Variants in ADAMTSL1 observed in about 807,000 individuals in gnomAD.
ADAMTSL1 encodes the protein ADAMTS-like protein 1.
ADAMTSL1 carries 126 observed loss-of-function variants against 201.8 expected under a neutral mutation model. The ratio of observed to expected loss-of-function variants is 0.62; its 90% confidence interval spans 0.54 to 0.72. The LOEUF (loss-of-function observed/expected upper bound fraction) is 0.72, where lower values mean the gene tolerates loss of function less well. Ranked by LOEUF, ADAMTSL1 falls within the 30% of genes least tolerant of loss-of-function variation. ADAMTSL1 has a pLI of 0.00. For synonymous variants in ADAMTSL1, 1,121 were observed against 903.4 expected, an observed-to-expected ratio of 1.24 and a Z score of -4.32; for missense variants, 2,679 against 2,277.8, an observed-to-expected ratio of 1.18 and a Z score of -3.59.
intron 13 of ADAMTSL1, among the ~76,000 whole-genome samples, chr9:18,703,056 G>C (rs1165119621): frequency 6.6e-6 from 1 of 152,018 alleles, no homozygotes; most frequent in Non-Finnish European, 1.5e-5. Context: ...GTGCCCGGCC[G>C]ACAAGAAGAA....
chr9:18,472,315 A>C (rs1321587981), upstream of ADAMTSL1, among the ~76,000 whole-genome samples: 2 of 152,210 alleles, frequency 1.3e-5, no homozygotes, highest in Admixed American at 1.3e-4. Flanking sequence ...TTTTACATCT[A>C]CTTGTGAATA....
chr9:18,880,411 G>C (rs1177966034), intron 23 of ADAMTSL1, among the ~76,000 whole-genome samples: 3 of 152,174 alleles, frequency 2.0e-5, no homozygotes. Context: ...ATCACTCCTT[G>C]ATCCATGGGC....
chr9:17,913,816 G>A (rs934990167), intron 1 of ADAMTSL1, among the ~76,000 whole-genome samples: 17 of 7,460 alleles, frequency 2.3e-3, no homozygotes, highest in East Asian at 0.1. Context: ...TCAAATAGAC[G>A]CAATAAAAAT....
At chr9:18,620,164 C>T (rs1825950500) in intron 4 of ADAMTSL1, among the ~76,000 whole-genome samples, 1 of 151,882 alleles carries the variant, frequency 6.6e-6, no homozygotes, top group Non-Finnish European at 1.5e-5. Context: ...CATCTCAGCT[C>T]AAAAAAGTCT....
At chr9:18,165,375 G>A (rs1476199379) in intron 2 of ADAMTSL1, among the ~76,000 whole-genome samples, 1 of 151,574 alleles carries the variant, frequency 6.6e-6, no homozygotes, top group Non-Finnish European at 1.5e-5. Flanking sequence ...AACTAATTAG[G>A]GACATAATGG....
At chr9:18,314,998 G>C (rs1050462475) in intron 2 of ADAMTSL1, among the ~76,000 whole-genome samples, 2 of 150,064 alleles carry the variant, frequency 1.3e-5, no homozygotes, top group African/African-American at 2.4e-5. Flanking sequence ...GGGTTTCACC[G>C]TGTTAGCCAG....
intron 1 of ADAMTSL1, among the ~76,000 whole-genome samples, chr9:18,056,258 G>T (rs886128203): frequency 2.6e-5 from 4 of 151,760 alleles, no homozygotes; most frequent in African/African-American, 7.3e-5. Context: ...TTCCCCTAAA[G>T]GTATGAAATG....
At chr9:18,415,603 G>A (rs1378975348) in intron 2 of ADAMTSL1, among the ~76,000 whole-genome samples, 1 of 152,026 alleles carries the variant, frequency 6.6e-6, no homozygotes, top group East Asian at 1.9e-4. Flanking sequence ...TCCTGAAGTT[G>A]GGAGGGGGTA....
chr9:18,554,259 T>G (rs189574348), intron 3 of ADAMTSL1, among the ~76,000 whole-genome samples: 1 of 151,852 alleles, frequency 6.6e-6, no homozygotes, highest in Non-Finnish European at 1.5e-5. Context: ...ATTTTTTTAT[T>G]TTGCATCCTG....
At chr9:18,515,968 C>A (rs1372273627) in intron 2 of ADAMTSL1, among the ~76,000 whole-genome samples, 2 of 151,862 alleles carry the variant, frequency 1.3e-5, no homozygotes, top group Non-Finnish European at 2.9e-5. Context: ...TATGCAAATT[C>A]TCTGAGACTC....
chr9:18,074,561 C>CTTTT (rs138619215), intron 1 of ADAMTSL1, among the ~76,000 whole-genome samples: 6 of 131,332 alleles, frequency 4.6e-5, no homozygotes, highest in African/African-American at 5.7e-5. Flanking sequence ...CTTCTCTTTT[C>CTTTT]TTTTTTTTTT....
At chr9:18,565,528 C>T (rs1355536542) in intron 3 of ADAMTSL1, among the ~76,000 whole-genome samples, 1 of 138,620 alleles carries the variant, frequency 7.2e-6, no homozygotes, top group East Asian at 2.1e-4. Context: ...ACCTAGTATA[C>T]ATGAAAATAT....
chr9:18,514,031 G>C (rs1352964828), intron 2 of ADAMTSL1, among the ~76,000 whole-genome samples: 1 of 151,800 alleles, frequency 6.6e-6, no homozygotes, highest in Non-Finnish European at 1.5e-5. Context: ...ATAATAATCA[G>C]TTACTGGGAG....
At chr9:18,493,891 G>A (rs754108435) in intron 1 of ADAMTSL1, among the ~76,000 whole-genome samples, 7 of 152,280 alleles carry the variant, frequency 4.6e-5, no homozygotes, top group East Asian at 3.9e-4. Context: ...GACCGATTAC[G>A]TATCTGGTGT....
chr9:18,250,212 G>T (rs572174785), intron 2 of ADAMTSL1, among the ~76,000 whole-genome samples: 1 of 152,232 alleles, frequency 6.6e-6, no homozygotes, highest in South Asian at 2.1e-4. Context: ...TTTTTTCAAT[G>T]GGCATTTTAA....
At chr9:18,246,393 G>C (rs1367772072) in intron 2 of ADAMTSL1, among the ~76,000 whole-genome samples, 1 of 152,090 alleles carries the variant, frequency 6.6e-6, no homozygotes, top group African/African-American at 2.4e-5. Flanking sequence ...GGAAACACAA[G>C]ATGATTTTTA....
intron 1 of ADAMTSL1, among the ~76,000 whole-genome samples, chr9:18,483,731 G>A (rs1821847205): frequency 6.6e-6 from 1 of 152,164 alleles, no homozygotes; most frequent in Non-Finnish European, 1.5e-5. Flanking sequence ...GGATGCTGAG[G>A]CAGGAGAATG....
chr9:18,370,569 G>A (rs143882798), intron 2 of ADAMTSL1, among the ~76,000 whole-genome samples: 5 of 152,166 alleles, frequency 3.3e-5, no homozygotes, highest in African/African-American at 4.8e-5. Flanking sequence ...TATTGATAGC[G>A]TTGGTAACAG....
At chr9:18,527,563 TA>T (rs1331939826) in intron 2 of ADAMTSL1, among the ~76,000 whole-genome samples, 5 of 152,190 alleles carry the variant, frequency 3.3e-5, no homozygotes, top group Non-Finnish European at 5.9e-5. Context: ...AAAAATCTTT[TA>T]ATTTTTCATG....
Sources: gnomAD v4.1 joint callset for allele counts (sites outside exome capture counted in the v4.1 genomes callset) on GRCh38, gnomAD v4.1.1 for gene constraint, MANE v1.5 for transcripts, NCBI Gene and HGNC (gene_info 2026-07-23, HGNC 2026-07-21) for gene names.